RPSA2: variants seen among roughly 807,000 people sequenced by gnomAD.
RPSA2 encodes ribosomal protein SA 2, also known as small ribosomal subunit protein uS2B.
the RPSA2 span, among the ~76,000 whole-genome samples, chr19:23,846,153 T>A: frequency 6.6e-6 from 1 of 152,212 alleles, no homozygotes; most frequent in Non-Finnish European, 1.5e-5. Context: ...TGTCTGTTTT[T>A]GGTTTCTGTT....
At chr19:23,804,004 C>T in the RPSA2 span, among the ~76,000 whole-genome samples, 1 of 152,088 alleles carries the variant, frequency 6.6e-6, no homozygotes, top group African/African-American at 2.4e-5. Context: ...AGTATAAACT[C>T]ACAGGGTTTT....
At chr19:23,806,016 T>A in the RPSA2 span, among the ~76,000 whole-genome samples, 4 of 146,266 alleles carry the variant, frequency 2.7e-5, no homozygotes, top group African/African-American at 1.0e-4. Flanking sequence ...TCTATCTATC[T>A]ATCTATCTAT....
At chr19:23,774,140 G>A in the RPSA2 span, among the ~76,000 whole-genome samples, 1 of 152,216 alleles carries the variant, frequency 6.6e-6, no homozygotes, top group African/African-American at 2.4e-5. Flanking sequence ...TAGGTGATGT[G>A]AGTCTCCTCC....
the RPSA2 span, among the ~76,000 whole-genome samples, chr19:23,779,653 T>A: frequency 5.9e-5 from 9 of 152,216 alleles, no homozygotes. Context: ...CCACGTATTT[T>A]GGGTATTGGG....
At chr19:23,811,516 CTTT>C in the RPSA2 span, among the ~76,000 whole-genome samples, 26 of 150,768 alleles carry the variant, frequency 1.7e-4, no homozygotes, top group South Asian at 1.3e-3. Context: ...AATAGGATGC[CTTT>C]TTTTTTTTTA....
chr19:23,847,485 A>T, the RPSA2 span, among the ~76,000 whole-genome samples: 1 of 152,206 alleles, frequency 6.6e-6, no homozygotes. Context: ...CACCTGAGCC[A>T]CAAAACCAGC....
chr19:23,792,135 C>T, the RPSA2 span, among the ~76,000 whole-genome samples: 3 of 152,204 alleles, frequency 2.0e-5, no homozygotes, highest in Non-Finnish European at 4.4e-5. Flanking sequence ...TTAAAAGTTT[C>T]TTCCCTTATG....
At chr19:23,836,387 A>ACACC in the RPSA2 span, among the ~76,000 whole-genome samples, 1 of 151,636 alleles carries the variant, frequency 6.6e-6, no homozygotes, top group Non-Finnish European at 1.5e-5. Flanking sequence ...ACACACACAC[A>ACACC]CACCCCACAG....
chr19:23,858,609 G>A, the RPSA2 span, among the ~76,000 whole-genome samples: 2 of 152,152 alleles, frequency 1.3e-5, no homozygotes, highest in African/African-American at 4.8e-5. Context: ...ACAAAGAGCA[G>A]CCTGTAAAAT....
the RPSA2 span, chr19:23,843,116 A>G: frequency 6.2e-6 from 1 of 162,032 alleles, no homozygotes; most frequent in African/African-American, 2.4e-5. Context: ...TGTACTAAAC[A>G]TGGTACTAGG....
At chr19:23,776,112 T>C in the RPSA2 span, among the ~76,000 whole-genome samples, 1 of 152,030 alleles carries the variant, frequency 6.6e-6, no homozygotes, top group East Asian at 1.9e-4. Context: ...GTAATGTGAG[T>C]CTCCTCTCAT....
the RPSA2 span, among the ~76,000 whole-genome samples, chr19:23,771,525 A>G: frequency 2.0e-5 from 3 of 152,220 alleles, no homozygotes; most frequent in Admixed American, 2.0e-4. Flanking sequence ...TGATTGTGAC[A>G]TACAATTCTG....
At chr19:23,789,346 C>T in the RPSA2 span, among the ~76,000 whole-genome samples, 1 of 152,116 alleles carries the variant, frequency 6.6e-6, no homozygotes, top group Admixed American at 6.6e-5. Context: ...TTTAATGCAT[C>T]CCTGACCAGG....
chr19:23,850,636 C>T, the RPSA2 span, among the ~76,000 whole-genome samples: 1 of 151,574 alleles, frequency 6.6e-6, no homozygotes, highest in South Asian at 2.1e-4. Context: ...TTGATGATCT[C>T]CTGGTGAAAC....
the RPSA2 span, among the ~76,000 whole-genome samples, chr19:23,784,366 C>G: frequency 1.3e-5 from 2 of 152,354 alleles, no homozygotes; most frequent in East Asian, 3.9e-4. Flanking sequence ...GGGTGAGGTC[C>G]TGAATCTCAC....
At chr19:23,790,648 A>G in the RPSA2 span, 2 of 316,968 alleles carry the variant, frequency 6.3e-6, no homozygotes, top group Non-Finnish European at 1.2e-5. Flanking sequence ...CTGCAGATGG[A>G]GCTCCAGGTG....
chr19:23,857,971 A>G, the RPSA2 span, among the ~76,000 whole-genome samples: 6 of 151,886 alleles, frequency 4.0e-5, no homozygotes, highest in Non-Finnish European at 7.4e-5. Flanking sequence ...TTTATTTTAG[A>G]ATTTACATTC....
chr19:23,843,627 A>C, the RPSA2 span, among the ~76,000 whole-genome samples: 1 of 152,310 alleles, frequency 6.6e-6, no homozygotes, highest in Non-Finnish European at 1.5e-5. Flanking sequence ...ATCATTTGTT[A>C]GGTTTTCTTT....
the RPSA2 span, among the ~76,000 whole-genome samples, chr19:23,769,436 T>C: frequency 5.9e-5 from 9 of 152,120 alleles, no homozygotes; most frequent in Non-Finnish European, 1.2e-4. Flanking sequence ...CTCCACCTCC[T>C]GGGTTCAAGT....
Sources: gnomAD v4.1 joint callset for allele counts (sites outside exome capture counted in the v4.1 genomes callset) on GRCh38, gnomAD v4.1.1 for gene constraint, MANE v1.5 for transcripts, NCBI Gene and HGNC (gene_info 2026-07-23, HGNC 2026-07-21) for gene names.